Variants in TTC9B observed in about 807,000 individuals in gnomAD.
TTC9B encodes tetratricopeptide repeat protein 9B.
In TTC9B, 12 loss-of-function variants were observed where a neutral mutation model predicts 19.4. That is an observed-to-expected ratio of 0.62 (90% CI 0.40 to 1.00). The LOEUF is 1.00. TTC9B is among the 50% of genes least tolerant of loss of function. The probability of loss-of-function intolerance (pLI) is 0.00; values close to 1 mark genes in which losing one functional copy is unlikely to be tolerated. For missense variants in TTC9B, 316 were observed against 345.2 expected, an observed-to-expected ratio of 0.92 and a Z score of 0.67; for synonymous variants, 156 against 158.6, an observed-to-expected ratio of 0.98 and a Z score of 0.12.
At position 40,217,170 on chromosome 19, in the gene TTC9B, C is replaced by A; in HGVS notation, c.610+17G>T. 1.9e-6 allele frequency: 3 copies of A among 1,603,742 alleles called. No individual in the cohort carries two copies. Among genetic ancestry groups the A allele is most frequent in the Non-Finnish European group, 1.7e-6 (2 of 1,176,582 alleles). ...CCCTGGGCCCAGCCCTCACCTCTGC[C>A]CCGCCCCGCCACTCACCTGTGGGTT... On this transcript the variant is annotated intron_variant, in intron 2 of 2. Coordinates refer to ENST00000311308, the MANE Select transcript of TTC9B (RefSeq NM_152479.6).
rs1381941171 is a variant in TTC9B, at chr19:40,217,267, G to A, written c.530C>T (p.Ala177Val). 1 of 1,614,050 alleles carries A rather than the reference G, an allele frequency of 6.2e-7. No homozygotes were observed. Among genetic ancestry groups the A allele is most frequent in the Non-Finnish European group, 8.5e-7 (1 of 1,179,948 alleles). Residue 177 changes from alanine to valine, a missense_variant, in exon 2 of 3, where the codon GCC (alanine) becomes GTC (valine). Ala to Val is a moderately conservative substitution (Grantham distance 64). Coordinates refer to ENST00000311308, the MANE Select transcript of TTC9B (RefSeq NM_152479.6). ...GCCCAGGTGGTAGAAGGCAATGCCG[G>A]CACGGTAGGTGGCCTTGAAGTTGCC... ...QQGNFKATYR[A>V]GIAFYHLGDY...
chr19:40,217,112 T>A, intron 2 of TTC9B, 75 bp downstream of exon 2: 2 of 1,496,334 alleles, frequency 1.3e-6, no homozygotes, highest in African/African-American at 1.4e-5. Flanking sequence ...CTGATCTTCC[T>A]GCCTGTTCCC....
At chr19:40,217,477 T>C (rs1301148278) in intron 1 of TTC9B, 108 bp from the exon 2 acceptor site, 3 of 1,367,406 alleles carry the variant, frequency 2.2e-6, no homozygotes, top group Non-Finnish European at 2.9e-6. Flanking sequence ...GCCTAAGGGA[T>C]TGCTCCGGCA....
intron 1 of TTC9B, chr19:40,217,730 T>C: frequency 3.7e-6 from 2 of 534,750 alleles, no homozygotes. Flanking sequence ...AGCGAGGCCC[T>C]GAATACCCGA....
In TTC9B at chr19:40,216,269, G is replaced by T; in HGVS notation, c.614C>A (p.Thr205Asn). Residue 205 changes from threonine to asparagine, a missense_variant, in exon 3 of 3, where the codon ACC (threonine) becomes AAC (asparagine). Coordinates refer to ENST00000311308, the MANE Select transcript of TTC9B (RefSeq NM_152479.6). ...CAGCTGGATGTAGCGGAGCACATTG[G>T]TGTCTGCAGGGGAGGTGGGCAGGGC... Reference protein sequence around the residue: ...QEARSREPTDTNVLRYIQLTQ... With the variant: ...QEARSREPTDNNVLRYIQLTQ... 6.2e-7 allele frequency: 1 copy of T among 1,613,742 alleles called. No homozygotes were observed. The highest frequency in any genetic ancestry group is 8.5e-7 in the Non-Finnish European group (1 of 1,179,820).
chr19:40,216,193 A>C lies in TTC9B; in HGVS notation c.690T>G (p.Ala230=). ...CAATTACATCCCGAGTCTGGGACCC[A>C]GCCCCACTGTCTTCCCGCTGGAGGC... The part of the protein sequence containing the change: ...RCSLQREDSG[A]GSQTRDVIG Residue 230 remains alanine (A), a synonymous_variant, in exon 3 of 3, where the codon GCT becomes GCG. Coordinates refer to ENST00000311308, the MANE Select transcript of TTC9B (RefSeq NM_152479.6). 1 of 1,614,186 alleles carries C rather than the reference A, an allele frequency of 6.2e-7. No individual in the cohort carries two copies. The highest frequency in any genetic ancestry group is 1.3e-5 in the African/African-American group (1 of 75,052).
chr19:40,217,127 C>T, intron 2 of TTC9B, 60 bp downstream of exon 2: 1 of 1,540,102 alleles, frequency 6.5e-7, no homozygotes, highest in Non-Finnish European at 8.8e-7. Flanking sequence ...GTTCCCTCCG[C>T]TGCAGCCCCT....
Position 40,217,822 on chromosome 19 carries a change from A to G in TTC9B, c.427+133T>C, listed in dbSNP as rs892062520. On this transcript the variant is annotated intron_variant, in intron 1 of 2. Coordinates refer to ENST00000311308, the MANE Select transcript of TTC9B (RefSeq NM_152479.6). The stretch of plus-strand genomic sequence containing the variant: ...CTACCCCTAATCCCTTTCCTTGATC[A>G]AGCTCTGAAGGCTCCCCCAGAAGCC... The G allele has an allele frequency of 1.8e-5, 14 of 797,492 alleles. No homozygotes were observed. The South Asian group carries it at 3.6e-4, about 21-fold the overall frequency. 49.4% of individuals were successfully genotyped at this position (797,492 alleles called of 1,614,324 possible).
intron 1 of TTC9B, 29 bp downstream of exon 1, chr19:40,217,925 GC>G: frequency 7.8e-7 from 1 of 1,285,390 alleles, no homozygotes; most frequent in Non-Finnish European, 1.0e-6. Flanking sequence ...CTCCCCTCGT[GC>G]CCCATCCCCC....
In TTC9B at chr19:40,218,320, C is replaced by A; in HGVS notation, c.62G>T (p.Arg21Leu). ...MLSAAPEPPP[R>L]PPPALSPPGS... The stretch of plus-strand genomic sequence containing the variant: ...CGGTGGGGAGAGGGCGGGAGGCGGG[C>A]GCGGCGGAGGCTCCGGGGCAGCGCT... The change falls in exon 1 of 3, where the codon CGC becomes CTC. Residue 21 changes from arginine (R) to leucine (L), a missense_variant. Arg to Leu is a moderately radical substitution (Grantham distance 102, BLOSUM62 -2). Transcript: ENST00000311308. The surrounding 1 kb of genome is among the most constrained non-coding windows in gnomAD (Gnocchi z 4.2). 1.5e-6 allele frequency: 2 copies of A among 1,366,828 alleles called. No homozygotes were observed. The highest frequency in any genetic ancestry group is 1.9e-6 in the Non-Finnish European group (2 of 1,068,504). The allele number at this position is 1,366,828 out of a possible 1,614,324, so 84.7% of individuals were successfully genotyped here. A position where few individuals can be genotyped will look rare whatever the true frequency, so the allele number is the denominator to read the frequency against.
chr19:40,218,188 G>A lies in TTC9B; in HGVS notation c.194C>T (p.Ala65Val). 6.3e-7 allele frequency: 1 copy of A among 1,575,196 alleles called. No homozygotes were observed. The highest frequency in any genetic ancestry group is 8.6e-7 in the Non-Finnish European group (1 of 1,164,812). The change falls in exon 1 of 3, where the codon GCC becomes GTC. Residue 65 changes from alanine (A) to valine (V), a missense_variant. Transcript: ENST00000311308. This position sits in a 1 kb window ranked among gnomAD's most constrained non-coding sequence, Gnocchi z 4.2. ...GAALDSSLRA[A>V]VAFKAEGQRC... ...CTGGCCCTCTGCCTTGAACGCCACG[G>A]CGGCACGCAGGCTGCTGTCGAGCGC...
Position 40,218,243 on chromosome 19 carries a change from T to C in TTC9B, c.139A>G (p.Thr47Ala), listed in dbSNP as rs1973399513. 2 of 1,522,112 alleles carry C rather than the reference T, an allele frequency of 1.3e-6. No homozygotes were observed. The highest frequency in any genetic ancestry group is 2.5e-5 in the South Asian group (2 of 81,212). The allele number at this position is 1,522,112 out of a possible 1,614,324, so 94.3% of individuals were successfully genotyped here. ...CCCAGGCTCCCCGACGGCTCTGGGG[T>C]AGGACCGGGACGAGCCGAGCCATGG... The part of the protein sequence containing the change: ...SRHGSARPGP[T>A]PEPSGSLGAA... Residue 47 changes from threonine (T) to alanine (A), a missense_variant, in exon 1 of 3, where the codon ACC becomes GCC. Transcript: ENST00000311308. This position sits in a 1 kb window ranked among gnomAD's most constrained non-coding sequence, Gnocchi z 4.2.
chr19:40,217,057 C>CT, intron 2 of TTC9B, 130 bp downstream of exon 2: 1 of 1,067,730 alleles, frequency 9.4e-7, no homozygotes, highest in Non-Finnish European at 1.3e-6. Flanking sequence ...TGGCGCAGCC[C>CT]TACCTAGAAG....
At position 40,216,104 on chromosome 19, in the gene TTC9B, G is replaced by A; in HGVS notation, c.*59C>T. ...GTTTTACCAACAAACACATGAGTCG[G>A]GGGAAGTTACATGGTGAGGTGGGAG... On this transcript the variant is annotated 3_prime_UTR_variant, in exon 3 of 3. Coordinates refer to ENST00000311308, the MANE Select transcript of TTC9B (RefSeq NM_152479.6). 1 of 1,350,962 alleles carries A rather than the reference G, an allele frequency of 7.4e-7. No individual in the cohort carries two copies. The highest frequency in any genetic ancestry group is 1.1e-6 in the Non-Finnish European group (1 of 940,876). 83.7% of individuals were successfully genotyped at this position (1,350,962 alleles called of 1,614,324 possible).
intron 1 of TTC9B, 33 bp downstream of exon 1, chr19:40,217,921 TC>T: frequency 1.9e-6 from 1 of 515,404 alleles, no homozygotes; most frequent in Non-Finnish European, 2.6e-6. Context: ...CCCCCTCCCC[TC>T]GTGCCCCATC....
intron 2 of TTC9B, 23 bp downstream of exon 2, chr19:40,217,164 C>A (rs1249867691): frequency 6.2e-7 from 1 of 1,600,182 alleles, no homozygotes; most frequent in Non-Finnish European, 8.5e-7. Flanking sequence ...CAGCCCTCAC[C>A]TCTGCCCCGC....
rs757332427 is a variant in TTC9B, at chr19:40,216,139, TAG to T, written c.*22_*23del. The T allele has an allele frequency of 8.2e-6, 13 of 1,594,240 alleles. No individual in the cohort carries two copies. In the South Asian group the frequency reaches 1.4e-4, roughly 18 times the overall value. ...CATGGTGAGGTGGGAGGGCGAGGGA[TAG>T]AGAGGTCCCCCTGGATTGGCCTCAG... is the stretch of plus-strand genomic sequence containing the variant. On this transcript the variant is annotated 3_prime_UTR_variant, in exon 3 of 3. Transcript: ENST00000311308.
Position 40,217,180 on chromosome 19 carries a change from C to T in TTC9B, c.610+7G>A, listed in dbSNP as rs1973379057. The T allele has an allele frequency of 6.2e-7, 1 of 1,609,514 alleles. No homozygotes were observed. Among genetic ancestry groups the T allele is most frequent in the Non-Finnish European group, 8.5e-7 (1 of 1,178,816 alleles). ...AGCCCTCACCTCTGCCCCGCCCCGC[C>T]ACTCACCTGTGGGTTCCCGGCTGCG... On this transcript the variant is annotated splice_region_variant and intron_variant, in intron 2 of 2. Transcript: ENST00000311308.
Position 40,216,385 on chromosome 19 carries a change from G to A in TTC9B, c.611-113C>T. ...AAGTATCCAGCAGCTCGCTCACACA[G>A]CCAGTAGAGCCAGAGCCCTTCCCCA... is the stretch of plus-strand genomic sequence containing the variant. On this transcript the variant is annotated intron_variant, in intron 2 of 2. Coordinates refer to ENST00000311308, the MANE Select transcript of TTC9B (RefSeq NM_152479.6). The A allele has an allele frequency of 4.2e-6, 3 of 722,874 alleles. No individual in the cohort carries two copies. In the South Asian group the frequency reaches 5.0e-5, roughly 12 times the overall value. 44.8% of individuals were successfully genotyped at this position (722,874 alleles called of 1,614,324 possible).
Sources: gnomAD v4.1 joint callset for allele counts on GRCh38, gnomAD v4.1.1 for gene constraint, Gnocchi (gnomAD v3.1) non-coding constraint, MANE v1.5 for transcripts, NCBI Gene and HGNC (gene_info 2026-07-23, HGNC 2026-07-21) for gene names.